The following PRKCE variants were observed in gnomAD, a reference collection of about 807,000 sequenced individuals.
PRKCE encodes protein kinase C epsilon type.
Under a neutral mutation model 85.4 loss-of-function variants are expected in PRKCE, and 16 were observed. The observed-to-expected ratio is 0.19, with a 90% CI of 0.13 to 0.28. The LOEUF is 0.28. Among genes scored for constraint, PRKCE ranks in the 10% least tolerant of loss-of-function variants. The probability of loss-of-function intolerance (pLI) is 1.00; values close to 1 mark genes in which losing one functional copy is unlikely to be tolerated. For synonymous variants in PRKCE, 388 were observed against 371.5 expected, an observed-to-expected ratio of 1.04 and a Z score of -0.51; for missense variants, 573 against 975.2, an observed-to-expected ratio of 0.59 and a Z score of 5.49.
intron 1 of PRKCE, among the ~76,000 whole-genome samples, chr2:45,671,806 C>T (rs1676175725): frequency 6.6e-6 from 1 of 152,050 alleles, no homozygotes; most frequent in African/African-American, 2.4e-5. Context: ...TGGTGGTTCA[C>T]ACCTGTAATC....
At chr2:45,977,594 T>C (rs1166532156) in intron 3 of PRKCE, among the ~76,000 whole-genome samples, 1 of 151,236 alleles carries the variant, frequency 6.6e-6, no homozygotes, top group Non-Finnish European at 1.5e-5. Context: ...CCGAGATCGC[T>C]ATACTATACT....
chr2:46,145,277 G>A lies in PRKCE; in HGVS notation c.1731+46G>A, dbSNP rs778676577. 45 of 1,596,560 alleles carry A rather than the reference G, an allele frequency of 2.8e-5. No homozygotes were observed. The highest frequency in any genetic ancestry group is 1.7e-4 in the Middle Eastern group (1 of 5,734). On this transcript the variant is annotated intron_variant, in intron 12 of 14. Transcript: ENST00000306156. The surrounding 1 kb of genome is among the most constrained non-coding windows in gnomAD (Gnocchi z 4.6). Reference sequence around the variant, plus strand: ...TTCACCTCCTCCTGGTGCCAGGACCGAGGCAGGGGTCCAAACCCATGCACT... The same window carrying A: ...TTCACCTCCTCCTGGTGCCAGGACCAAGGCAGGGGTCCAAACCCATGCACT...
chr2:45,927,677 A>G (rs572174902), intron 2 of PRKCE, among the ~76,000 whole-genome samples: 11 of 152,268 alleles, frequency 7.2e-5, no homozygotes, highest in African/African-American at 2.7e-4. Context: ...GTAAATCAGC[A>G]GGAAGTAAAA....
At chr2:45,669,009 T>A (rs1676037453) in intron 1 of PRKCE, among the ~76,000 whole-genome samples, 1 of 152,180 alleles carries the variant, frequency 6.6e-6, no homozygotes, top group East Asian at 1.9e-4. Context: ...AGCCAAATAG[T>A]CTGCCTCATT....
intron 2 of PRKCE, among the ~76,000 whole-genome samples, chr2:45,876,159 A>G (rs1375254436): frequency 1.3e-5 from 2 of 152,278 alleles, no homozygotes; most frequent in South Asian, 2.1e-4. Flanking sequence ...CCCTGCTTCC[A>G]TCTCCCCTTA....
chr2:45,841,767 G>T (rs1055319228), intron 1 of PRKCE, among the ~76,000 whole-genome samples: 1 of 152,208 alleles, frequency 6.6e-6, no homozygotes, highest in African/African-American at 2.4e-5. Flanking sequence ...ATTCTGACTG[G>T]GCATATCTGG....
intron 1 of PRKCE, among the ~76,000 whole-genome samples, chr2:45,737,825 C>T (rs1165260387): frequency 6.6e-6 from 1 of 152,148 alleles, no homozygotes; most frequent in East Asian, 1.9e-4. Context: ...CGTACATTGC[C>T]AAGTGCTTCT....
chr2:46,169,715 C>G (rs1225919836), intron 14 of PRKCE, among the ~76,000 whole-genome samples: 2 of 152,190 alleles, frequency 1.3e-5, no homozygotes, highest in South Asian at 4.1e-4. Flanking sequence ...GCTGACATAT[C>G]AGCTAGTGTT....
chr2:45,954,716 T>C (rs1319576928), intron 2 of PRKCE, among the ~76,000 whole-genome samples: 4 of 152,196 alleles, frequency 2.6e-5, no homozygotes, highest in Admixed American at 2.6e-4. Flanking sequence ...AAGGAAACAA[T>C]TACTGTCAAG....
At chr2:45,715,360 C>T (rs546075080) in intron 1 of PRKCE, among the ~76,000 whole-genome samples, 1 of 152,232 alleles carries the variant, frequency 6.6e-6, no homozygotes, top group African/African-American at 2.4e-5. Context: ...CCCCTTGACA[C>T]CCCTGATAGG....
chr2:46,079,337 GT>G (rs1668847000), intron 10 of PRKCE, among the ~76,000 whole-genome samples: 2 of 152,166 alleles, frequency 1.3e-5, no homozygotes, highest in South Asian at 4.1e-4. Context: ...ATACAGGAGA[GT>G]TTAGCACATA....
rs550921400 is a variant in PRKCE, at chr2:46,064,340, C to T, written c.1438-21868C>T. 4.2e-4 allele frequency among the ~76,000 whole-genome samples: 64 copies of T among 150,854 alleles called. 1 individual carries two copies. The highest frequency in any genetic ancestry group is 1.5e-3 in the African/African-American group (62 of 41,210). ...TGTTAACTGCCCTTAAAAATATAGT[C>T]GTTCTCCTTCGACACTCAAAAGTTC... On this transcript the variant is annotated intron_variant, in intron 10 of 14. Coordinates refer to ENST00000306156, the MANE Select transcript of PRKCE (RefSeq NM_005400.3).
intron 1 of PRKCE, among the ~76,000 whole-genome samples, chr2:45,833,631 T>C (rs987321657): frequency 8.5e-5 from 13 of 152,204 alleles, no homozygotes; most frequent in African/African-American, 2.9e-4. Flanking sequence ...GAACTGGGAT[T>C]GGAACCCGGG....
chr2:46,157,988 G>T (rs1294557776), intron 13 of PRKCE, among the ~76,000 whole-genome samples: 1 of 152,328 alleles, frequency 6.6e-6, no homozygotes, highest in Non-Finnish European at 1.5e-5. Flanking sequence ...ACAATAAGCG[G>T]CTGTGCCACA....
intron 11 of PRKCE, among the ~76,000 whole-genome samples, chr2:46,112,063 TG>T (rs1233459835): frequency 1.3e-5 from 2 of 152,214 alleles, no homozygotes; most frequent in Admixed American, 1.3e-4. Flanking sequence ...CTGTCAGTTT[TG>T]ACACCCTGTT....
chr2:45,713,970 A>G (rs538305096), intron 1 of PRKCE, among the ~76,000 whole-genome samples: 1 of 152,340 alleles, frequency 6.6e-6, no homozygotes, highest in Admixed American at 6.5e-5. Flanking sequence ...CACACCTCCA[A>G]AAGGGAAGGG....
chr2:46,084,609 C>A (rs1231593926), intron 10 of PRKCE, among the ~76,000 whole-genome samples: 1 of 151,396 alleles, frequency 6.6e-6, no homozygotes, highest in East Asian at 1.9e-4. Flanking sequence ...GTAATCCCAG[C>A]TACTCAGGAG....
chr2:46,079,466 TG>T, intron 10 of PRKCE, among the ~76,000 whole-genome samples: 1 of 152,294 alleles, frequency 6.6e-6, no homozygotes, highest in East Asian at 1.9e-4. Context: ...ACCCAAAATC[TG>T]GGCCCCCAGG....
chr2:45,688,668 A>T (rs1677490037), intron 1 of PRKCE, among the ~76,000 whole-genome samples: 1 of 152,348 alleles, frequency 6.6e-6, no homozygotes, highest in South Asian at 2.1e-4. Flanking sequence ...CCAAGTATTT[A>T]GACTCTCCCT....
Sources: allele counts gnomAD v4.1 joint callset (sites outside exome capture counted in the v4.1 genomes callset), GRCh38; gene constraint gnomAD v4.1.1; non-coding constraint Gnocchi (gnomAD v3.1); transcripts MANE v1.5; gene names NCBI Gene and HGNC (gene_info 2026-07-23, HGNC 2026-07-21).